The following CADPS variants were observed in gnomAD, a reference collection of about 807,000 sequenced individuals.
CADPS encodes calcium dependent secretion activator, also known as calcium-dependent secretion activator 1.
CADPS carries 57 observed loss-of-function variants against 167.3 expected under a neutral mutation model. The ratio of observed to expected loss-of-function variants is 0.34; its 90% CI spans 0.28 to 0.42. The LOEUF (loss-of-function observed/expected upper bound fraction) is 0.42. CADPS is among the 20% of genes least tolerant of loss of function. The pLI, the probability that CADPS is intolerant of heterozygous loss-of-function variation, is 1.00. For missense variants in CADPS, 1,414 were observed against 1,738.1 expected (o/e 0.81, Z 3.32); for synonymous variants, 676 against 635.3 (o/e 1.06, Z -0.96).
At chr3:62,561,576 C>G (rs1206339792) in intron 9 of CADPS, among the ~76,000 whole-genome samples, 1 of 151,976 alleles carries the variant, frequency 6.6e-6, no homozygotes, top group Non-Finnish European at 1.5e-5. Context: ...GGCCAGATAT[C>G]TCTTAATACA....
chr3:62,746,654 A>C (rs763829414), intron 3 of CADPS, among the ~76,000 whole-genome samples: 1 of 152,182 alleles, frequency 6.6e-6, no homozygotes, highest in Non-Finnish European at 1.5e-5. Context: ...TCCTTTTAAC[A>C]GTGCATCTAT....
At chr3:62,576,829 A>G (rs1168463545) in intron 8 of CADPS, among the ~76,000 whole-genome samples, 1 of 142,994 alleles carries the variant, frequency 7.0e-6, no homozygotes, top group Non-Finnish European at 1.5e-5. Context: ...CAGTCCTAGT[A>G]GAAAGAGTAA....
chr3:62,590,468 T>C (rs1174206124), intron 7 of CADPS, among the ~76,000 whole-genome samples: 1 of 152,216 alleles, frequency 6.6e-6, no homozygotes, highest in African/African-American at 2.4e-5. Flanking sequence ...GCTAAACCTT[T>C]TATTTTCTTT....
chr3:62,730,190 C>T (rs940161416), intron 3 of CADPS, among the ~76,000 whole-genome samples: 3 of 149,430 alleles, frequency 2.0e-5, no homozygotes, highest in African/African-American at 7.7e-5. Context: ...CTGGCCTATC[C>T]TGACTGACGT....
chr3:62,793,590 C>T (rs1338128091), intron 1 of CADPS, among the ~76,000 whole-genome samples: 2 of 152,138 alleles, frequency 1.3e-5, no homozygotes. Context: ...CTCATCCTGA[C>T]CCCAGCTACA....
At chr3:62,804,646 C>T (rs897847990) in intron 1 of CADPS, among the ~76,000 whole-genome samples, 1 of 151,864 alleles carries the variant, frequency 6.6e-6, no homozygotes, top group Non-Finnish European at 1.5e-5. Context: ...TGAAACACCC[C>T]GAGAAATAGC....
At chr3:62,664,777 A>G (rs1318932796) in intron 3 of CADPS, among the ~76,000 whole-genome samples, 1 of 152,240 alleles carries the variant, frequency 6.6e-6, no homozygotes, top group Non-Finnish European at 1.5e-5. Context: ...ACAGCCCAAC[A>G]GAACCAGCTC....
chr3:62,764,407 T>G (rs1467234154), intron 2 of CADPS, among the ~76,000 whole-genome samples: 1 of 152,210 alleles, frequency 6.6e-6, no homozygotes, highest in Non-Finnish European at 1.5e-5. Context: ...TGTAAAATTT[T>G]AAAAGATTTA....
chr3:62,827,510 G>A (rs928474353), intron 1 of CADPS, among the ~76,000 whole-genome samples: 3 of 152,114 alleles, frequency 2.0e-5, no homozygotes, highest in Non-Finnish European at 4.4e-5. Context: ...AGTAAGGAAG[G>A]GGTGAAGTCA....
At chr3:62,748,076 T>A (rs1254056178) in intron 3 of CADPS, among the ~76,000 whole-genome samples, 3 of 149,992 alleles carry the variant, frequency 2.0e-5, no homozygotes, top group African/African-American at 7.4e-5. Context: ...ATCCCAGTAC[T>A]TTGGGAGGCT....
intron 13 of CADPS, among the ~76,000 whole-genome samples, chr3:62,518,639 C>G (rs571414726): frequency 6.6e-6 from 1 of 152,142 alleles, no homozygotes; most frequent in African/African-American, 2.4e-5. Context: ...AAATTTGGAA[C>G]AGTTAGCATT....
chr3:62,843,501 G>T (rs1264892563), intron 1 of CADPS, among the ~76,000 whole-genome samples: 1 of 126,188 alleles, frequency 7.9e-6, no homozygotes, highest in East Asian at 3.4e-4. Flanking sequence ...GGGTGTGTGT[G>T]TGTGTGTGTG....
intron 18 of CADPS, among the ~76,000 whole-genome samples, chr3:62,494,679 T>TTTTTTTA (rs1228436442): frequency 1.3e-5 from 2 of 149,524 alleles, no homozygotes; most frequent in Non-Finnish European, 3.0e-5. Context: ...ATTTTTTTTT[T>TTTTTTTA]TTTTTTGGAC....
intron 3 of CADPS, among the ~76,000 whole-genome samples, chr3:62,701,135 G>A (rs1363336201): frequency 1.3e-5 from 2 of 152,030 alleles, no homozygotes; most frequent in Admixed American, 1.3e-4. Flanking sequence ...TGAACGTTAC[G>A]ATTTCAACAT....
chr3:62,531,609 T>C (rs2073714830), intron 13 of CADPS, among the ~76,000 whole-genome samples: 1 of 152,176 alleles, frequency 6.6e-6, no homozygotes, highest in South Asian at 2.1e-4. Flanking sequence ...AAAATAAATG[T>C]AGTCAATTCT....
At chr3:62,690,085 T>C (rs2078830484) in intron 3 of CADPS, among the ~76,000 whole-genome samples, 1 of 151,908 alleles carries the variant, frequency 6.6e-6, no homozygotes, top group East Asian at 1.9e-4. Context: ...AAAGGTGTGT[T>C]TGACTGTACT....
At chr3:62,717,995 T>A (rs2085009459) in intron 3 of CADPS, among the ~76,000 whole-genome samples, 1 of 151,850 alleles carries the variant, frequency 6.6e-6, no homozygotes, top group South Asian at 2.1e-4. Context: ...TCCTTCTCAA[T>A]GTTTATTTCT....
intron 26 of CADPS, among the ~76,000 whole-genome samples, chr3:62,462,703 C>T (rs1382082587): frequency 3.3e-5 from 5 of 152,140 alleles, no homozygotes; most frequent in South Asian, 2.1e-4. Flanking sequence ...GGTCCTAGGA[C>T]GCACAGCTGG....
intron 13 of CADPS, among the ~76,000 whole-genome samples, chr3:62,523,889 A>G (rs1165515587): frequency 2.0e-5 from 3 of 152,242 alleles, no homozygotes; most frequent in Admixed American, 6.5e-5. Flanking sequence ...ATGCCTGCAG[A>G]CCGCATGATG....
Sources: allele counts gnomAD v4.1 joint callset (sites outside exome capture counted in the v4.1 genomes callset), GRCh38; gene constraint gnomAD v4.1.1; transcripts MANE v1.5; gene names NCBI Gene and HGNC (gene_info 2026-07-23, HGNC 2026-07-21).